Variants in SLC4A10 observed in about 807,000 individuals in gnomAD.
SLC4A10 encodes sodium-driven chloride bicarbonate exchanger.
A neutral mutation model predicts 137.7 loss-of-function variants in SLC4A10; 42 were observed. The ratio of observed to expected loss-of-function variants is 0.30; its 90% CI spans 0.24 to 0.39. SLC4A10 has a LOEUF of 0.39. Among genes scored for constraint, SLC4A10 ranks in the 10% least tolerant of loss-of-function variants. The pLI is 1.00. For synonymous variants in SLC4A10, 474 were observed against 464.1 expected (o/e 1.02, Z -0.27); for missense variants, 925 against 1,355.0 (o/e 0.68, Z 4.98).
intron 2 of SLC4A10, among the ~76,000 whole-genome samples, chr2:161,795,499 A>T (rs2054667864): frequency 1.3e-5 from 2 of 152,120 alleles, no homozygotes; most frequent in Non-Finnish European, 2.9e-5. Context: ...CCACAGATAT[A>T]TCTATCACCT....
intron 1 of SLC4A10, among the ~76,000 whole-genome samples, chr2:161,751,986 C>T (rs2049031939): frequency 6.6e-6 from 1 of 151,920 alleles, no homozygotes; most frequent in Non-Finnish European, 1.5e-5. Flanking sequence ...TAGCTAGAGG[C>T]CTTAGCTAGT....
intron 1 of SLC4A10, among the ~76,000 whole-genome samples, chr2:161,742,439 C>CTTTTTTT (rs35953656): frequency 3.8e-4 from 31 of 82,542 alleles, no homozygotes; most frequent in South Asian, 7.2e-4. Flanking sequence ...TTCTTTCTTT[C>CTTTTTTT]TTTTTTTTTT....
At chr2:161,945,899 TG>T (rs1336030491) in intron 16 of SLC4A10, among the ~76,000 whole-genome samples, 1 of 151,894 alleles carries the variant, frequency 6.6e-6, no homozygotes, top group African/African-American at 2.4e-5. Flanking sequence ...CCTGCAGAAA[TG>T]ACAAAAGATG....
intron 1 of SLC4A10, among the ~76,000 whole-genome samples, chr2:161,767,875 CTTTG>C (rs949590510): frequency 2.6e-5 from 4 of 151,966 alleles, no homozygotes; most frequent in African/African-American, 7.2e-5. Flanking sequence ...CTACAATTTT[CTTTG>C]TTTGTTCAGA....
intron 1 of SLC4A10, among the ~76,000 whole-genome samples, chr2:161,627,075 A>G (rs752318347): frequency 1.3e-5 from 2 of 152,158 alleles, no homozygotes; most frequent in Non-Finnish European, 2.9e-5. Flanking sequence ...ATATCTCTTG[A>G]GTTTTGGAAT....
chr2:161,961,988 G>A (rs780977225), intron 21 of SLC4A10, among the ~76,000 whole-genome samples: 1 of 152,116 alleles, frequency 6.6e-6, no homozygotes, highest in African/African-American at 2.4e-5. Flanking sequence ...GTAGCTAACT[G>A]GGTGGGGAAA....
intron 1 of SLC4A10, among the ~76,000 whole-genome samples, chr2:161,750,385 T>C (rs2048845055): frequency 1.3e-5 from 2 of 151,818 alleles, no homozygotes; most frequent in Admixed American, 6.6e-5. Flanking sequence ...TTTATTGTTA[T>C]TAATTTCTCT....
intron 23 of SLC4A10, among the ~76,000 whole-genome samples, chr2:161,973,242 C>T (rs961639409): frequency 6.6e-6 from 1 of 152,240 alleles, no homozygotes; most frequent in Admixed American, 6.5e-5. Context: ...ATAATTCTAA[C>T]ATTTTTAAAT....
chr2:161,931,811 G>A (rs1690447830), intron 15 of SLC4A10, among the ~76,000 whole-genome samples: 1 of 152,052 alleles, frequency 6.6e-6, no homozygotes, highest in Non-Finnish European at 1.5e-5. Flanking sequence ...GTTACCGTTG[G>A]CAGTAATATA....
At chr2:161,833,034 C>T (rs1001940134) in intron 3 of SLC4A10, among the ~76,000 whole-genome samples, 3 of 152,218 alleles carry the variant, frequency 2.0e-5, no homozygotes, top group Non-Finnish European at 2.9e-5. Flanking sequence ...CGTGCGCCAC[C>T]GCGCCCGGCC....
At chr2:161,834,619 A>G (rs1575187275) in intron 3 of SLC4A10, among the ~76,000 whole-genome samples, 1 of 151,686 alleles carries the variant, frequency 6.6e-6, no homozygotes, top group East Asian at 1.9e-4. Context: ...AACCTTGAGG[A>G]GAAGTTTATT....
intron 19 of SLC4A10, among the ~76,000 whole-genome samples, chr2:161,951,825 T>G (rs183319462): frequency 6.6e-6 from 1 of 152,084 alleles, no homozygotes; most frequent in Non-Finnish European, 1.5e-5. Context: ...TAATAATAAT[T>G]ACATAAATGT....
At chr2:161,675,391 A>G (rs989004157) in intron 1 of SLC4A10, among the ~76,000 whole-genome samples, 1 of 152,200 alleles carries the variant, frequency 6.6e-6, no homozygotes, top group Non-Finnish European at 1.5e-5. Context: ...CAGAAACAGC[A>G]ACCCAAGGTT....
chr2:161,795,255 T>C (rs1274773352), intron 2 of SLC4A10, among the ~76,000 whole-genome samples: 2 of 152,160 alleles, frequency 1.3e-5, no homozygotes, highest in Non-Finnish European at 2.9e-5. Context: ...GGCTTTAGAT[T>C]CATTTATTTA....
In SLC4A10 at chr2:161,872,452, G is replaced by A. The variant is rs576566289; in HGVS notation, c.858+68G>A. 60 of 1,238,660 alleles carry A rather than the reference G, an allele frequency of 4.8e-5. No individual in the cohort carries two copies. The East Asian group carries it at 1.4e-3, about 29-fold the overall frequency. 76.7% of individuals were successfully genotyped at this position (1,238,660 alleles called of 1,614,324 possible). A position where few individuals can be genotyped will look rare whatever the true frequency, so the allele number is the denominator to read the frequency against. ...TACTAGAAATTACTACCCATTTTAAGAGGTGTTGACACAATATTTTGCATG... is the reference window on the plus strand; with the variant it reads ...TACTAGAAATTACTACCCATTTTAAAAGGTGTTGACACAATATTTTGCATG... On this transcript the variant is annotated intron_variant, in intron 7 of 26. Coordinates refer to ENST00000446997, the MANE Select transcript of SLC4A10 (RefSeq NM_001178015.2).
intron 1 of SLC4A10, among the ~76,000 whole-genome samples, chr2:161,694,661 T>A (rs2042316783): frequency 6.6e-6 from 1 of 152,022 alleles, no homozygotes; most frequent in Non-Finnish European, 1.5e-5. Flanking sequence ...ATTCAGATTC[T>A]TGTTTGATTT....
At chr2:161,891,111 T>C (rs968739355) in intron 10 of SLC4A10, among the ~76,000 whole-genome samples, 4 of 152,204 alleles carry the variant, frequency 2.6e-5, no homozygotes, top group African/African-American at 9.6e-5. Context: ...TTAAGAATGT[T>C]GAATATTGGC....
chr2:161,794,166 A>C (rs546384306), intron 2 of SLC4A10, among the ~76,000 whole-genome samples: 3 of 152,108 alleles, frequency 2.0e-5, no homozygotes, highest in African/African-American at 7.2e-5. Context: ...ATTTATCGCC[A>C]ACTCTAGTGG....
At chr2:161,658,028 T>G (rs562019237) in intron 1 of SLC4A10, among the ~76,000 whole-genome samples, 1 of 152,316 alleles carries the variant, frequency 6.6e-6, no homozygotes, top group South Asian at 2.1e-4. Context: ...TTTCTACTTA[T>G]AGGGTGCTCA....
Sources: allele counts gnomAD v4.1 joint callset (sites outside exome capture counted in the v4.1 genomes callset), GRCh38; gene constraint gnomAD v4.1.1; transcripts MANE v1.5; gene names NCBI Gene and HGNC (gene_info 2026-07-23, HGNC 2026-07-21).